The following AGBL4 variants were observed in gnomAD, a reference collection of about 807,000 sequenced individuals.
AGBL4 encodes AGBL carboxypeptidase 4, also known as cytosolic carboxypeptidase 6.
A neutral mutation model predicts 66.4 loss-of-function variants in AGBL4; 58 were observed. The ratio of observed to expected loss-of-function variants is 0.87; its 90% CI spans 0.71 to 1.09. The LOEUF (loss-of-function observed/expected upper bound fraction) is 1.09. AGBL4 is among the 50% of genes least tolerant of loss of function. The pLI, the probability that AGBL4 is intolerant of heterozygous loss-of-function variation, is 0.00. For missense variants in AGBL4, 579 were observed against 631.0 expected, an observed-to-expected ratio of 0.92 and a Z score of 0.88; for synonymous variants, 234 against 222.9, an observed-to-expected ratio of 1.05 and a Z score of -0.44.
chr1:50,017,406 G>A (rs1180143178), intron 1 of AGBL4: 1 of 151,982 alleles, frequency 6.6e-6, no homozygotes, highest in Non-Finnish European at 1.5e-5. Flanking sequence ...CAATAAACAT[G>A]AACATCCGCC....
chr1:48,605,447 C>G (rs1021361880), intron 9 of AGBL4, among the ~76,000 whole-genome samples: 1 of 152,198 alleles, frequency 6.6e-6, no homozygotes, highest in African/African-American at 2.4e-5. Context: ...ACACCTTGCC[C>G]TGCCCAGCCT....
intron 9 of AGBL4, among the ~76,000 whole-genome samples, chr1:48,628,458 G>C (rs1250228914): frequency 6.6e-6 from 1 of 151,736 alleles, no homozygotes. Context: ...TTTTTTAGTC[G>C]TGATATTTAA....
chr1:49,096,781 T>C (rs1351236487), intron 4 of AGBL4, among the ~76,000 whole-genome samples: 1 of 151,608 alleles, frequency 6.6e-6, no homozygotes, highest in Non-Finnish European at 1.5e-5. Context: ...ATGGCACATG[T>C]ATACATATGT....
chr1:48,691,762 A>C (rs569490379), intron 6 of AGBL4, among the ~76,000 whole-genome samples: 1 of 152,192 alleles, frequency 6.6e-6, no homozygotes, highest in Non-Finnish European at 1.5e-5. Flanking sequence ...CCAGCCTCAC[A>C]TAGCTGTTAG....
chr1:49,814,263 T>C (rs1645179014), intron 2 of AGBL4, among the ~76,000 whole-genome samples: 1 of 152,152 alleles, frequency 6.6e-6, no homozygotes, highest in East Asian at 1.9e-4. Flanking sequence ...AGTATCTATG[T>C]ATCATGTAGG....
chr1:48,592,906 G>A (rs1644940105), intron 9 of AGBL4, among the ~76,000 whole-genome samples: 1 of 151,666 alleles, frequency 6.6e-6, no homozygotes, highest in Admixed American at 6.6e-5. Context: ...AAATTTATGG[G>A]CGTACAAGTG....
At chr1:49,011,874 A>C (rs1662449735) in intron 5 of AGBL4, among the ~76,000 whole-genome samples, 2 of 64,196 alleles carry the variant, frequency 3.1e-5, no homozygotes, top group Non-Finnish European at 3.0e-5. Context: ...CACTCTGGGG[A>C]CTGTTGTGGG....
At chr1:48,995,756 C>T (rs1377125239) in intron 5 of AGBL4, among the ~76,000 whole-genome samples, 1 of 152,100 alleles carries the variant, frequency 6.6e-6, no homozygotes, top group Non-Finnish European at 1.5e-5. Context: ...ATAGCTAGAC[C>T]ATAGTCACTG....
intron 2 of AGBL4, among the ~76,000 whole-genome samples, chr1:49,737,255 TC>T (rs1649972409): frequency 6.6e-6 from 1 of 152,082 alleles, no homozygotes; most frequent in South Asian, 2.1e-4. Flanking sequence ...GCTGCACTAT[TC>T]AAATAGCAAA....
chr1:48,871,867 CTCTAGTCACAGTGG>C (rs1648714041), intron 5 of AGBL4, among the ~76,000 whole-genome samples: 1 of 152,122 alleles, frequency 6.6e-6, no homozygotes, highest in Admixed American at 6.5e-5. Flanking sequence ...GTCACCCCAC[CTCTAGTCACAGTGG>C]ACTTCTCCAA....
intron 3 of AGBL4, among the ~76,000 whole-genome samples, chr1:49,518,756 G>A (rs890609790): frequency 6.6e-6 from 1 of 152,000 alleles, no homozygotes; most frequent in Admixed American, 6.6e-5. Context: ...TTAAAAGATG[G>A]TTCTGATTTA....
chr1:49,999,350 A>T (rs1025387626), intron 1 of AGBL4, among the ~76,000 whole-genome samples: 3 of 140,482 alleles, frequency 2.1e-5, no homozygotes, highest in African/African-American at 5.2e-5. Flanking sequence ...AAAAAAAAAA[A>T]TACTCAGAAT....
chr1:49,152,530 C>A (rs999532039), intron 4 of AGBL4, among the ~76,000 whole-genome samples: 2 of 152,196 alleles, frequency 1.3e-5, no homozygotes, highest in Admixed American at 1.3e-4. Flanking sequence ...TCAAAAGCAT[C>A]TGAAAGGCTG....
chr1:49,087,385 A>T (rs924301042), intron 4 of AGBL4, among the ~76,000 whole-genome samples: 1 of 152,266 alleles, frequency 6.6e-6, no homozygotes, highest in Non-Finnish European at 1.5e-5. Context: ...TGGTCATTTT[A>T]AGAAAGAACT....
chr1:49,514,715 C>T (rs1649614724), intron 3 of AGBL4, among the ~76,000 whole-genome samples: 2 of 151,954 alleles, frequency 1.3e-5, no homozygotes, highest in South Asian at 4.1e-4. Context: ...CACAACAGAG[C>T]CCTCAGAAAT....
At chr1:49,253,118 G>A (rs1044702795) in intron 3 of AGBL4, among the ~76,000 whole-genome samples, 1 of 152,060 alleles carries the variant, frequency 6.6e-6, no homozygotes, top group Non-Finnish European at 1.5e-5. Context: ...GTGGAAGCTG[G>A]ATAAAGAACC....
At chr1:49,024,739 A>T (rs1319598792) in intron 5 of AGBL4, among the ~76,000 whole-genome samples, 4 of 152,124 alleles carry the variant, frequency 2.6e-5, no homozygotes, top group East Asian at 1.9e-4. Context: ...TCTAAGGGAG[A>T]TATGGTATTA....
intron 6 of AGBL4, among the ~76,000 whole-genome samples, chr1:48,802,098 G>A (rs903550728): frequency 2.6e-5 from 4 of 152,108 alleles, no homozygotes; most frequent in Non-Finnish European, 5.9e-5. Flanking sequence ...TCAGGATGGA[G>A]GCCAGGCTCC....
intron 9 of AGBL4, among the ~76,000 whole-genome samples, chr1:48,617,838 A>G (rs542340617): frequency 6.6e-6 from 1 of 152,248 alleles, no homozygotes; most frequent in East Asian, 1.9e-4. Context: ...GACATCTGGG[A>G]AAGGTATGGT....
Sources: gnomAD v4.1 joint callset for allele counts (sites outside exome capture counted in the v4.1 genomes callset) on GRCh38, gnomAD v4.1.1 for gene constraint, MANE v1.5 for transcripts, NCBI Gene and HGNC (gene_info 2026-07-23, HGNC 2026-07-21) for gene names.